The following REC114 variants were observed in gnomAD, a reference collection of about 807,000 sequenced individuals.
REC114 encodes REC114 meiotic recombination protein.
REC114 carries 27 observed loss-of-function variants against 31.3 expected under a neutral mutation model. The ratio of observed to expected loss-of-function variants is 0.86; its 90% CI spans 0.64 to 1.19. REC114 has a LOEUF of 1.19. REC114 is among the 50% of genes most tolerant of loss of function. The probability of loss-of-function intolerance (pLI) is 0.00; values close to 1 mark genes in which losing one functional copy is unlikely to be tolerated. For synonymous variants in REC114, 134 were observed against 127.7 expected, an observed-to-expected ratio of 1.05 and a Z score of -0.33; for missense variants, 344 against 326.9, an observed-to-expected ratio of 1.05 and a Z score of -0.40.
At chr15:73,468,899 T>C (rs1446869682) in intron 1 of REC114, among the ~76,000 whole-genome samples, 2 of 152,172 alleles carry the variant, frequency 1.3e-5, no homozygotes, top group South Asian at 4.1e-4. Flanking sequence ...TTTAATTTCT[T>C]ATTTACCCAT....
At chr15:73,483,987 A>G (rs1893331760) in intron 2 of REC114, 1 of 152,280 alleles carries the variant, frequency 6.6e-6, no homozygotes, top group Non-Finnish European at 1.5e-5. Context: ...GGCCTACTCC[A>G]CAGCCTCCAG....
intron 2 of REC114, among the ~76,000 whole-genome samples, chr15:73,531,982 CTTTTT>C (rs60376866): frequency 7.2e-6 from 1 of 138,898 alleles, no homozygotes; most frequent in African/African-American, 2.7e-5. Flanking sequence ...GTTCTCCACT[CTTTTT>C]TTTTTTTTTT....
chr15:73,557,517 G>T (rs1894489446), intron 5 of REC114, among the ~76,000 whole-genome samples: 1 of 151,812 alleles, frequency 6.6e-6, no homozygotes, highest in African/African-American at 2.4e-5. Flanking sequence ...CAAGAGGTAG[G>T]AAGACTAAGA....
chr15:73,459,233 C>G (rs564499110), intron 1 of REC114, among the ~76,000 whole-genome samples: 1 of 142,730 alleles, frequency 7.0e-6, no homozygotes, highest in East Asian at 2.0e-4. Context: ...TTTCTTTTTT[C>G]TTTTTTTTTT....
At chr15:73,486,049 T>C (rs1595867343) in intron 2 of REC114, among the ~76,000 whole-genome samples, 2 of 152,214 alleles carry the variant, frequency 1.3e-5, no homozygotes, top group African/African-American at 2.4e-5. Context: ...GCAAATTTGC[T>C]GATTACTCAA....
In REC114 at chr15:73,551,125, CAA is replaced by C. The variant is rs769571961; in HGVS notation, c.523_524del (p.Lys175GlufsTer50). On this transcript the variant is annotated frameshift_variant, in exon 4 of 6. Coordinates refer to ENST00000331090, the MANE Select transcript of REC114 (RefSeq NM_001042367.2). LOFTEE classifies it high-confidence loss of function. ...ACTGAAAGTCAAGGGAAGGATTCTGCAAAGAGTGTCCCACGGCAGCCTGGAGT... is the reference window on the plus strand; with the variant it reads ...ACTGAAAGTCAAGGGAAGGATTCTGCAGAGTGTCCCACGGCAGCCTGGAGT... 27 of 1,610,478 alleles carry C rather than the reference CAA, an allele frequency of 1.7e-5. No individual in the cohort carries two copies. The highest frequency in any genetic ancestry group is 3.4e-5 in the Admixed American group (2 of 59,462).
rs187712352 is a variant in REC114 at position 73,504,666 on chromosome 15, T to G, written c.249+30745T>G. Among the ~76,000 whole-genome samples, 293 of 152,310 alleles carry G rather than the reference T, an allele frequency of 1.9e-3. 2 individuals are homozygous for G. The highest frequency in any genetic ancestry group is 2.3e-3 in the Non-Finnish European group (157 of 68,022). On this transcript the variant is annotated intron_variant, in intron 2 of 5. Transcript: ENST00000331090. ...GTCATTTTAAACTTTTTCTCAGGAATATACTTGGTGGAGGTTGGGGTAGAG... is the reference window on the plus strand; with the variant it reads ...GTCATTTTAAACTTTTTCTCAGGAAGATACTTGGTGGAGGTTGGGGTAGAG...
At chr15:73,461,922 C>CTTTTTTTTT (rs961387922) in intron 1 of REC114, among the ~76,000 whole-genome samples, 1 of 78,212 alleles carries the variant, frequency 1.3e-5, no homozygotes, top group Admixed American at 1.4e-4. Flanking sequence ...TTTTTCTTTT[C>CTTTTTTTTT]TTTTTTTTTT....
intron 1 of REC114, among the ~76,000 whole-genome samples, chr15:73,457,476 A>T (rs1013193840): frequency 6.6e-6 from 1 of 151,862 alleles, no homozygotes; most frequent in African/African-American, 2.4e-5. Context: ...ACCTCCTAGG[A>T]CTCGAAGCTT....
chr15:73,487,664 C>T (rs1392152177), intron 2 of REC114, among the ~76,000 whole-genome samples: 1 of 152,250 alleles, frequency 6.6e-6, no homozygotes, highest in Non-Finnish European at 1.5e-5. Flanking sequence ...CAGCAGTTCT[C>T]ATGCGTTGGA....
intron 2 of REC114, among the ~76,000 whole-genome samples, chr15:73,524,696 G>A (rs1893982219): frequency 6.6e-6 from 1 of 152,012 alleles, no homozygotes; most frequent in East Asian, 1.9e-4. Flanking sequence ...CTCCTGGTTT[G>A]GAGTAATTCT....
intron 2 of REC114, among the ~76,000 whole-genome samples, chr15:73,484,332 A>G (rs1286540621): frequency 2.0e-5 from 3 of 151,838 alleles, no homozygotes; most frequent in Non-Finnish European, 4.4e-5. Flanking sequence ...AGTCACCCTT[A>G]TATATCAAGT....
intron 1 of REC114, among the ~76,000 whole-genome samples, chr15:73,449,242 A>G (rs1056103814): frequency 6.6e-6 from 1 of 152,154 alleles, no homozygotes; most frequent in Non-Finnish European, 1.5e-5. Context: ...GGAAGCTAAG[A>G]ACTTTGAAAA....
At chr15:73,552,000 G>A (rs1394281935) in intron 4 of REC114, among the ~76,000 whole-genome samples, 2 of 152,178 alleles carry the variant, frequency 1.3e-5, no homozygotes, top group Admixed American at 1.3e-4. Context: ...GTCAATATTT[G>A]AAAGACAGTA....
chr15:73,477,197 G>C (rs1162287665), intron 2 of REC114, among the ~76,000 whole-genome samples: 1 of 152,048 alleles, frequency 6.6e-6, no homozygotes, highest in African/African-American at 2.4e-5. Flanking sequence ...CCATTGAGTT[G>C]TTTGCCTTCT....
chr15:73,452,533 C>T (rs1892865043), intron 1 of REC114, among the ~76,000 whole-genome samples: 1 of 152,180 alleles, frequency 6.6e-6, no homozygotes, highest in South Asian at 2.1e-4. Context: ...TAGGCAGAAT[C>T]AATATCATGA....
At position 73,473,816 on chromosome 15, in the gene REC114, CCTT is replaced by C. The variant is rs561837630; in HGVS notation, c.160-13_160-11del. 109 of 1,438,244 alleles carry C rather than the reference CCTT, an allele frequency of 7.6e-5. No individual in the cohort carries two copies. The African/African-American group carries it at 9.8e-4, about 13-fold the overall frequency. The allele number at this position is 1,438,244 out of a possible 1,614,324, so 89.1% of individuals were successfully genotyped here. A position where few individuals can be genotyped will look rare whatever the true frequency, so the allele number is the denominator to read the frequency against. On this transcript the variant is annotated splice_polypyrimidine_tract_variant and intron_variant, in intron 1 of 5. Transcript: ENST00000331090. Reference sequence around the variant, plus strand: ...TGTATTATCTTTTACATATTTTTCTCCTTCTCCCTTTCAAGGTTTTTGATTCCA... The same window carrying C: ...TGTATTATCTTTTACATATTTTTCTCCTCCCTTTCAAGGTTTTTGATTCCA...
At chr15:73,521,883 T>G (rs1177814449) in intron 2 of REC114, among the ~76,000 whole-genome samples, 3 of 152,316 alleles carry the variant, frequency 2.0e-5, no homozygotes, top group Non-Finnish European at 4.4e-5. Context: ...TTCCTTCAGA[T>G]GTTTAAGGAA....
At chr15:73,517,486 A>T (rs1423089129) in intron 2 of REC114, among the ~76,000 whole-genome samples, 1 of 152,190 alleles carries the variant, frequency 6.6e-6, no homozygotes, top group Non-Finnish European at 1.5e-5. Context: ...TTAAGAGCAA[A>T]AACCAATCGG....
Sources: gnomAD v4.1 joint callset for allele counts (sites outside exome capture counted in the v4.1 genomes callset) on GRCh38, gnomAD v4.1.1 for gene constraint, MANE v1.5 for transcripts, NCBI Gene and HGNC (gene_info 2026-07-23, HGNC 2026-07-21) for gene names.